Variants in HS3ST4 observed in about 807,000 individuals in gnomAD.
HS3ST4 encodes heparan sulfate glucosamine 3-O-sulfotransferase 4.
A neutral mutation model predicts 29.2 loss-of-function variants in HS3ST4; 17 were observed. The ratio of observed to expected loss-of-function variants is 0.58; its 90% CI spans 0.40 to 0.87. The LOEUF is 0.87. HS3ST4 is among the 40% of genes least tolerant of loss of function. The pLI is 0.00. For missense variants in HS3ST4, 627 were observed against 634.5 expected (o/e 0.99, Z 0.13); for synonymous variants, 314 against 285.7 (o/e 1.10, Z -1.00).
At chr16:25,778,079 T>A (rs947275315) in intron 1 of HS3ST4, among the ~76,000 whole-genome samples, 1 of 152,122 alleles carries the variant, frequency 6.6e-6, no homozygotes, top group Non-Finnish European at 1.5e-5. Flanking sequence ...CAGTATTTCT[T>A]TTATGCTGTT....
chr16:25,920,823 G>A (rs560294982), intron 1 of HS3ST4, among the ~76,000 whole-genome samples: 1 of 151,970 alleles, frequency 6.6e-6, no homozygotes, highest in South Asian at 2.1e-4. Context: ...TCACCATGTT[G>A]CCCAGGCTGG....
chr16:25,730,107 T>G (rs945187756), intron 1 of HS3ST4, among the ~76,000 whole-genome samples: 1 of 152,224 alleles, frequency 6.6e-6, no homozygotes, highest in African/African-American at 2.4e-5. Flanking sequence ...AAAGGTGTAC[T>G]GGGGAAATGG....
chr16:25,817,489 T>C (rs1967105106), intron 1 of HS3ST4, among the ~76,000 whole-genome samples: 1 of 152,184 alleles, frequency 6.6e-6, no homozygotes, highest in Admixed American at 6.5e-5. Context: ...TGTGTTCTAA[T>C]AAAACTTTAT....
At chr16:25,805,802 G>A (rs1966984565) in intron 1 of HS3ST4, among the ~76,000 whole-genome samples, 1 of 152,060 alleles carries the variant, frequency 6.6e-6, no homozygotes, top group Non-Finnish European at 1.5e-5. Flanking sequence ...CCTATCAACC[G>A]AAGACCTAGG....
intron 1 of HS3ST4, among the ~76,000 whole-genome samples, chr16:25,888,720 G>A (rs1183160569): frequency 6.6e-6 from 1 of 152,082 alleles, no homozygotes; most frequent in Non-Finnish European, 1.5e-5. Context: ...GATAAAGTGG[G>A]TACTATTGGA....
At chr16:25,893,755 C>T (rs1267103923) in intron 1 of HS3ST4, among the ~76,000 whole-genome samples, 8 of 152,208 alleles carry the variant, frequency 5.3e-5, no homozygotes, top group Non-Finnish European at 1.2e-4. Context: ...GTGGGGTCCA[C>T]TTAACAAACA....
chr16:25,948,142 C>G (rs1041933832), intron 1 of HS3ST4, among the ~76,000 whole-genome samples: 1 of 152,154 alleles, frequency 6.6e-6, no homozygotes, highest in East Asian at 1.9e-4. Context: ...CCGACAGTCT[C>G]AAGGTCTCAG....
At chr16:26,054,141 G>C (rs541033064) in intron 1 of HS3ST4, among the ~76,000 whole-genome samples, 1 of 152,122 alleles carries the variant, frequency 6.6e-6, no homozygotes, top group Admixed American at 6.6e-5. Context: ...GGTGCCCTGG[G>C]CAAGAGGAAC....
intron 1 of HS3ST4, among the ~76,000 whole-genome samples, chr16:26,039,376 A>G (rs1484908706): frequency 6.6e-6 from 1 of 152,132 alleles, no homozygotes; most frequent in African/African-American, 2.4e-5. Context: ...GCTTTTTTAT[A>G]TATACATTTT....
At chr16:25,975,902 C>T (rs1477916415) in intron 1 of HS3ST4, among the ~76,000 whole-genome samples, 2 of 152,126 alleles carry the variant, frequency 1.3e-5, no homozygotes. Flanking sequence ...TTGTTGGACC[C>T]CCCTGTTCCC....
intron 1 of HS3ST4, among the ~76,000 whole-genome samples, chr16:26,097,786 G>C (rs1898944245): frequency 6.6e-6 from 1 of 152,220 alleles, no homozygotes; most frequent in East Asian, 1.9e-4. Context: ...TACCATCAGA[G>C]TGAACAGGCA....
chr16:25,939,069 C>T (rs909494074), intron 1 of HS3ST4, among the ~76,000 whole-genome samples: 1 of 152,018 alleles, frequency 6.6e-6, no homozygotes, highest in Admixed American at 6.5e-5. Context: ...AAATTAGAAT[C>T]GTTTAACCAC....
intron 1 of HS3ST4, among the ~76,000 whole-genome samples, chr16:26,088,933 A>G (rs1596676581): frequency 1.3e-5 from 2 of 152,324 alleles, no homozygotes; most frequent in African/African-American, 4.8e-5. Flanking sequence ...AGATCATCCA[A>G]AATATACCTC....
At chr16:26,040,336 T>G (rs374873887) in intron 1 of HS3ST4, among the ~76,000 whole-genome samples, 107 of 151,008 alleles carry the variant, frequency 7.1e-4, no homozygotes, top group African/African-American at 2.6e-3. Context: ...CACTCTTGTC[T>G]CTTGTTGCCC....
At chr16:26,038,401 A>T (rs937071073) in intron 1 of HS3ST4, among the ~76,000 whole-genome samples, 2 of 152,084 alleles carry the variant, frequency 1.3e-5, no homozygotes, top group African/African-American at 4.8e-5. Flanking sequence ...ATCTAGACAG[A>T]CTAGAATAAA....
chr16:25,776,710 C>T (rs1486812569), intron 1 of HS3ST4, among the ~76,000 whole-genome samples: 1 of 152,236 alleles, frequency 6.6e-6, no homozygotes, highest in Non-Finnish European at 1.5e-5. Flanking sequence ...CTCAGATACA[C>T]ACACTCAACA....
chr16:25,793,207 A>T (rs527841410), intron 1 of HS3ST4, among the ~76,000 whole-genome samples: 10 of 152,076 alleles, frequency 6.6e-5, no homozygotes, highest in African/African-American at 2.2e-4. Context: ...GAGTATGGCA[A>T]GTTTTAATAA....
intron 1 of HS3ST4, among the ~76,000 whole-genome samples, chr16:26,113,412 C>A: frequency 6.8e-6 from 1 of 148,078 alleles, no homozygotes. Flanking sequence ...CGCCACTGCA[C>A]TCCAGTCCAG....
chr16:25,810,787 G>T (rs954856091), intron 1 of HS3ST4, among the ~76,000 whole-genome samples: 2 of 152,106 alleles, frequency 1.3e-5, no homozygotes, highest in Non-Finnish European at 2.9e-5. Flanking sequence ...CTCAAGCTGT[G>T]TTTTCCCCCG....
Sources: allele counts gnomAD v4.1 joint callset (sites outside exome capture counted in the v4.1 genomes callset), GRCh38; gene constraint gnomAD v4.1.1; transcripts MANE v1.5; gene names NCBI Gene and HGNC (gene_info 2026-07-23, HGNC 2026-07-21).